MYL2: variants seen among roughly 807,000 people sequenced by gnomAD.
MYL2 encodes myosin regulatory light chain 2, ventricular/cardiac muscle isoform.
In MYL2, 19 loss-of-function variants were observed where a neutral mutation model predicts 23.0. The ratio of observed to expected loss-of-function variants is 0.83; its 90% confidence interval spans 0.58 to 1.21. The LOEUF (loss-of-function observed/expected upper bound fraction) is 1.21, where lower values mean the gene tolerates loss of function less well. Among genes scored for constraint, MYL2 ranks in the 50% most tolerant of loss-of-function variants. The probability of loss-of-function intolerance (pLI) is 0.00; values close to 1 mark genes in which losing one functional copy is unlikely to be tolerated. For synonymous variants in MYL2, 78 were observed against 76.2 expected (o/e 1.02, Z -0.13); for missense variants, 180 against 215.1 (o/e 0.84, Z 1.02).
rs2071649075 is a variant in MYL2 at position 110,911,136 on chromosome 12, C to CAGTGA, written c.441_442insTCACT (p.Gly148SerfsTer94). 3 of 1,613,378 alleles carry CAGTGA rather than the reference C, an allele frequency of 1.9e-6. No homozygotes were observed. On this transcript the variant is annotated frameshift_variant, in exon 7 of 7. Coordinates refer to ENST00000228841, the MANE Select transcript of MYL2 (RefSeq NM_000432.4). LOFTEE classifies it high-confidence loss of function. ...ACCAGGTTCTTGTAGTCCAAGTTGC[C>CAGTGA]AGTCACGTCAGGGGGGAAGGCGGCG...
chr12:110,912,660 A>G (rs998768671), intron 6 of MYL2, among the ~76,000 whole-genome samples: 3 of 152,180 alleles, frequency 2.0e-5, no homozygotes, highest in African/African-American at 7.2e-5. Flanking sequence ...CCCGGGTTCA[A>G]GCGATTCTCG....
In MYL2 at chr12:110,913,117, C is replaced by T. The variant is rs2233261; in HGVS notation, c.381G>A (p.Ala127=). ...DYVREMLTTQ[A]ERFSKEEVDQ... is the part of the protein sequence containing the mutation. Reference sequence around the variant, plus strand: ...TTACCTCCTCCTTGGAAAACCTCTCCGCCTGCGTGGTCAGCATTTCCCGAA... The same window carrying T: ...TTACCTCCTCCTTGGAAAACCTCTCTGCCTGCGTGGTCAGCATTTCCCGAA... Residue 127 remains alanine (A), a synonymous_variant, in exon 6 of 7, where the codon GCG becomes GCA. Coordinates refer to ENST00000228841, the MANE Select transcript of MYL2 (RefSeq NM_000432.4). The T allele has an allele frequency of 9.4e-4, 1,514 of 1,614,156 alleles. 20 individuals carry two copies. The African/African-American group carries it at 0.019, about 20-fold the overall frequency.
upstream of MYL2, among the ~76,000 whole-genome samples, chr12:110,921,285 C>G (rs187346459): frequency 6.6e-6 from 1 of 152,166 alleles, no homozygotes; most frequent in African/African-American, 2.4e-5. Context: ...CACTTGGGCC[C>G]GGGAGGTTGA....
In MYL2 at chr12:110,911,092, T is replaced by G. The variant is rs1177510197; in HGVS notation, c.486A>C (p.Gly162=). The change falls in exon 7 of 7, where the codon GGA becomes GGC. Residue 162 remains glycine (G), a synonymous_variant. Transcript: ENST00000228841. ...GAGCCCCCTCCTAGTCCTTCTCTTC[T>G]CCGTGGGTGATGATGTGCACCAGGT... ...YKNLVHIITH[G]EEKD is the part of the protein sequence containing the mutation. 6.2e-7 allele frequency: 1 copy of G among 1,614,006 alleles called. No homozygotes were observed. Among genetic ancestry groups the G allele is most frequent in the Admixed American group, 1.7e-5 (1 of 60,004 alleles).
In MYL2 at chr12:110,911,162, A is replaced by AAC; in HGVS notation, c.414_415dup (p.Phe139CysfsTer9). ...AGTCACGTCAGGGGGGAAGGCGGCG[A>AAC]ACATCTGGTCAACCTGCAATGAGCC... is the stretch of plus-strand genomic sequence containing the variant. On this transcript the variant is annotated frameshift_variant, in exon 7 of 7. Transcript: ENST00000228841. LOFTEE classifies it high-confidence loss of function. 6.2e-7 allele frequency: 1 copy of AAC among 1,609,450 alleles called. No individual in the cohort carries two copies. Among genetic ancestry groups the AAC allele is most frequent in the Non-Finnish European group, 8.5e-7 (1 of 1,177,602 alleles).
intron 4 of MYL2, 73 bp downstream of exon 4, chr12:110,914,113 C>G: frequency 1.7e-6 from 2 of 1,167,266 alleles, no homozygotes; most frequent in Non-Finnish European, 2.6e-6. Context: ...TTAAAGTTAA[C>G]CATCTTCTGC....
At chr12:110,914,332 GA>G in intron 3 of MYL2, 42 bp from the exon 4 acceptor site, 1 of 1,435,130 alleles carries the variant, frequency 7.0e-7, no homozygotes, top group Non-Finnish European at 9.8e-7. Context: ...GAGCTGGGGA[GA>G]AAGAACCATT....
chr12:110,914,076 T>A, intron 4 of MYL2, 110 bp downstream of exon 4: 3 of 905,308 alleles, frequency 3.3e-6, no homozygotes, highest in Non-Finnish European at 5.4e-6. Context: ...GTTTTCATTA[T>A]TTTTTTCCAA....
intron 2 of MYL2, among the ~76,000 whole-genome samples, chr12:110,917,359 C>G (rs552266482): frequency 6.6e-6 from 1 of 151,098 alleles, no homozygotes; most frequent in African/African-American, 2.4e-5. Context: ...CTTTGGAGGC[C>G]GAGGCGGAGG....
intron 2 of MYL2, among the ~76,000 whole-genome samples, chr12:110,916,955 TCTC>T (rs2071691545): frequency 6.6e-6 from 1 of 152,116 alleles, no homozygotes; most frequent in African/African-American, 2.4e-5. Context: ...TTCAAGCGAT[TCTC>T]CTGCCTCAGC....
chr12:110,919,149 GT>G lies in MYL2; in HGVS notation c.47del (p.Asn16ThrfsTer34), dbSNP rs781431079. On this transcript the variant is annotated frameshift_variant, in exon 2 of 7. Transcript: ENST00000228841. LOFTEE classifies it high-confidence loss of function. The part of the protein sequence containing the change: ...AKKRAGGANS[N>X]VFSMFEQTQI... ...GGGTCTGTTCGAACATGGAGAACAC[GT>G]TGGAGTTGGCGCCCCCGGCTCTCTT... 18 of 1,613,742 alleles carry G rather than the reference GT, an allele frequency of 1.1e-5. No individual in the cohort carries two copies. The highest frequency in any genetic ancestry group is 1.5e-5 in the Non-Finnish European group (18 of 1,180,012).
At chr12:110,919,866 A>G (rs1474797796) in intron 1 of MYL2, among the ~76,000 whole-genome samples, 1 of 152,254 alleles carries the variant, frequency 6.6e-6, no homozygotes, top group East Asian at 1.9e-4. Context: ...CACTCTGTCA[A>G]GTGGATACTA....
rs2071665069 is a variant in MYL2, at chr12:110,913,154, A to ATTGGTTC, written c.354-11_354-10insGAACCAA. Reference sequence around the variant, plus strand: ...CAGCATTTCCCGAACGCTGCAGAGAAAGGAAAGCAGGTGTTGGTGTCAGTT... The same window carrying ATTGGTTC: ...CAGCATTTCCCGAACGCTGCAGAGAATTGGTTCAGGAAAGCAGGTGTTGGTGTCAGTT... On this transcript the variant is annotated splice_polypyrimidine_tract_variant and intron_variant, in intron 5 of 6. Coordinates refer to ENST00000228841, the MANE Select transcript of MYL2 (RefSeq NM_000432.4). 1 of 1,614,094 alleles carries ATTGGTTC rather than the reference A, an allele frequency of 6.2e-7. No homozygotes were observed. Among genetic ancestry groups the ATTGGTTC allele is most frequent in the Non-Finnish European group, 8.5e-7 (1 of 1,180,040 alleles).
At chr12:110,920,363 T>C (rs945688718) in intron 1 of MYL2, among the ~76,000 whole-genome samples, 164 bp downstream of exon 1, 2 of 151,980 alleles carry the variant, frequency 1.3e-5, no homozygotes, top group Non-Finnish European at 2.9e-5. Flanking sequence ...ATCGGGGCAT[T>C]GATTGGGGTT....
At chr12:110,919,687 C>G (rs925859860) in intron 1 of MYL2, among the ~76,000 whole-genome samples, 4 of 152,170 alleles carry the variant, frequency 2.6e-5, no homozygotes, top group African/African-American at 9.7e-5. Context: ...ACAATTTTCC[C>G]TTGCTCCAAA....
intron 4 of MYL2, among the ~76,000 whole-genome samples, chr12:110,913,718 A>T (rs909892957): frequency 2.0e-5 from 3 of 152,142 alleles, no homozygotes; most frequent in African/African-American, 7.2e-5. Flanking sequence ...GACTTAGGTT[A>T]AGTCTTGGAG....
At chr12:110,914,906 GT>G (rs2136773116) in intron 3 of MYL2, among the ~76,000 whole-genome samples, 1 of 152,316 alleles carries the variant, frequency 6.6e-6, no homozygotes, top group African/African-American at 2.4e-5. Flanking sequence ...AAAGGCTCAT[GT>G]TGTAAATTAG....
intron 6 of MYL2, 99 bp from the exon 7 acceptor site, chr12:110,911,274 G>T: frequency 1.9e-6 from 1 of 520,758 alleles, no homozygotes; most frequent in South Asian, 1.8e-5. Flanking sequence ...GATAGCTGGG[G>T]GGTGGGGGAT....
intron 3 of MYL2, 36 bp from the exon 4 acceptor site, chr12:110,914,326 T>G: frequency 1.3e-6 from 2 of 1,489,118 alleles, no homozygotes; most frequent in East Asian, 2.3e-5. Flanking sequence ...GACTCCGAGC[T>G]GGGGAGAAAG....
Sources: gnomAD v4.1 joint callset for allele counts (sites outside exome capture counted in the v4.1 genomes callset) on GRCh38, gnomAD v4.1.1 for gene constraint, MANE v1.5 for transcripts, NCBI Gene and HGNC (gene_info 2026-07-23, HGNC 2026-07-21) for gene names.